Variants in ZNF827 observed in about 807,000 individuals in gnomAD.
The protein encoded by ZNF827 is zinc finger protein 827.
A neutral mutation model predicts 102.4 loss-of-function variants in ZNF827; 13 were observed. The observed-to-expected ratio is 0.13, with a 90% CI of 0.08 to 0.20. The LOEUF (loss-of-function observed/expected upper bound fraction) is 0.20, where lower values mean the gene tolerates loss of function less well. Ranked by LOEUF, ZNF827 falls within the 10% of genes least tolerant of loss-of-function variation. The pLI is 1.00. For synonymous variants in ZNF827, 523 were observed against 536.2 expected, an observed-to-expected ratio of 0.98 and a Z score of 0.34; for missense variants, 1,103 against 1,344.4, an observed-to-expected ratio of 0.82 and a Z score of 2.81.
intron 7 of ZNF827, chr4:145,839,366 C>G (rs912211218): frequency 6.6e-6 from 1 of 152,326 alleles, no homozygotes; most frequent in South Asian, 2.1e-4. Context: ...CCTGCACATC[C>G]GGATACTTGA....
chr4:145,840,935 T>C (rs531214648), intron 7 of ZNF827, among the ~76,000 whole-genome samples: 5 of 152,338 alleles, frequency 3.3e-5, no homozygotes, highest in African/African-American at 9.6e-5. Flanking sequence ...TTCTGAAAAT[T>C]GGGCAAATTA....
chr4:145,865,877 T>C (rs571806172), intron 5 of ZNF827, among the ~76,000 whole-genome samples: 2 of 152,282 alleles, frequency 1.3e-5, no homozygotes, highest in South Asian at 2.1e-4. Context: ...TTTCCACTCT[T>C]GGGTCCCAGT....
chr4:145,889,668 CAGAATTCATTA>C (rs766535287), intron 3 of ZNF827, among the ~76,000 whole-genome samples: 9 of 151,530 alleles, frequency 5.9e-5, no homozygotes, highest in Admixed American at 2.6e-4. Context: ...ACTTCTTAGG[CAGAATTCATTA>C]AGAAAATCTG....
intron 1 of ZNF827, among the ~76,000 whole-genome samples, chr4:145,930,036 T>C (rs1753690136): frequency 6.6e-6 from 1 of 152,184 alleles, no homozygotes; most frequent in Admixed American, 6.5e-5. Flanking sequence ...TGAAAGCACA[T>C]GAATCCTGTT....
At position 145,774,645 on chromosome 4, in the gene ZNF827, C is replaced by T. The variant is rs1397232260; in HGVS notation, c.2721G>A (p.Glu907=). The stretch of plus-strand genomic sequence containing the variant: ...TGTGGCTGACAAACTGGACATTGAG[C>T]TCGGTCTCAAATCCACACACGTGAC... The part of the protein sequence containing the change: ...YSCHVCGFET[E]LNVQFVSHMS... The change falls in exon 11 of 15, where the codon GAG becomes GAA. Residue 907 remains glutamate, a synonymous_variant. Transcript: ENST00000508784. The T allele has an allele frequency of 6.2e-7, 1 of 1,613,818 alleles. No individual in the cohort carries two copies. Among genetic ancestry groups the T allele is most frequent in the Non-Finnish European group, 8.5e-7 (1 of 1,179,924 alleles).
At chr4:145,936,318 T>C (rs1391413286) in intron 1 of ZNF827, among the ~76,000 whole-genome samples, 1 of 151,908 alleles carries the variant, frequency 6.6e-6, no homozygotes, top group Non-Finnish European at 1.5e-5. Flanking sequence ...CGCCTTCTCC[T>C]TCCTCGCACA....
chr4:145,891,287 T>C (rs1254278350), intron 3 of ZNF827, among the ~76,000 whole-genome samples: 1 of 152,228 alleles, frequency 6.6e-6, no homozygotes, highest in Non-Finnish European at 1.5e-5. Flanking sequence ...TGATTCCCAT[T>C]TAACAGATGA....
Position 145,913,425 on chromosome 4 carries a change from C to CAAA in ZNF827, c.44-10213_44-10211dup, listed in dbSNP as rs775706430. Among the ~76,000 whole-genome samples the CAAA allele has an allele frequency of 8.8e-3, 641 of 72,590 alleles. 18 individuals are homozygous for CAAA. Among genetic ancestry groups the CAAA allele is most frequent in the African/African-American group, 0.017 (323 of 19,118 alleles). The allele number at this position is 72,590 out of a possible 152,430, so 47.6% of individuals were successfully genotyped here. A position where few individuals can be genotyped will look rare whatever the true frequency, so the allele number is the denominator to read the frequency against. ...TGGGCAACAGAGTGAGACCCTGTCTCAAAAAAAAAAAAAAAAAAAAAAGAC... is the reference window on the plus strand; with the variant it reads ...TGGGCAACAGAGTGAGACCCTGTCTCAAAAAAAAAAAAAAAAAAAAAAAAAGAC... On this transcript the variant is annotated intron_variant, in intron 1 of 14. Transcript: ENST00000508784.
intron 8 of ZNF827, among the ~76,000 whole-genome samples, chr4:145,817,085 A>T (rs556674211): frequency 6.6e-6 from 1 of 152,226 alleles, no homozygotes; most frequent in Non-Finnish European, 1.5e-5. Flanking sequence ...ATGAATTTTC[A>T]CAAAATTACC....
chr4:145,835,883 G>A (rs923194370), intron 7 of ZNF827, among the ~76,000 whole-genome samples: 1 of 151,508 alleles, frequency 6.6e-6, no homozygotes, highest in Non-Finnish European at 1.5e-5. Flanking sequence ...GTTAGTTCAG[G>A]ATCTGCGCCT....
intron 1 of ZNF827, among the ~76,000 whole-genome samples, chr4:145,909,823 C>G (rs1019925520): frequency 2.0e-5 from 3 of 152,146 alleles, no homozygotes; most frequent in African/African-American, 7.2e-5. Context: ...CTTAGCACAT[C>G]CCCCACACCA....
At chr4:145,903,669 C>T (rs1364408459) in intron 1 of ZNF827, among the ~76,000 whole-genome samples, 2 of 152,210 alleles carry the variant, frequency 1.3e-5, no homozygotes, top group African/African-American at 2.4e-5. Flanking sequence ...CTTTCTAACT[C>T]CGTGACTCTA....
intron 5 of ZNF827, among the ~76,000 whole-genome samples, chr4:145,863,978 G>A (rs1747956842): frequency 6.6e-6 from 1 of 151,950 alleles, no homozygotes; most frequent in Non-Finnish European, 1.5e-5. Context: ...CAGATTGTCT[G>A]AGCTCAGATG....
intron 8 of ZNF827, among the ~76,000 whole-genome samples, chr4:145,814,651 C>T (rs796972015): frequency 2.9e-4 from 43 of 148,046 alleles, no homozygotes; most frequent in African/African-American, 1.0e-3. Context: ...AGGCCTGGCA[C>T]AGTGGCTCGC....
intron 8 of ZNF827, among the ~76,000 whole-genome samples, chr4:145,788,746 C>G (rs1739254529): frequency 6.6e-6 from 1 of 152,188 alleles, no homozygotes; most frequent in Non-Finnish European, 1.5e-5. Flanking sequence ...CACTTCTCTT[C>G]TTAATGATGA....
chr4:145,925,172 C>T (rs368143509), intron 1 of ZNF827, among the ~76,000 whole-genome samples: 4 of 152,122 alleles, frequency 2.6e-5, no homozygotes, highest in South Asian at 4.1e-4. Flanking sequence ...AAGACCCATC[C>T]GCATGATTCA....
chr4:145,760,788 C>T lies in ZNF827; in HGVS notation c.*828G>A. ...CAGAACATGGCTGCCCTCAGACAGT[C>T]TCTGCTCTTTCTCTCAGTCCGAGAT... is the stretch of plus-strand genomic sequence containing the variant. On this transcript the variant is annotated 3_prime_UTR_variant, in exon 15 of 15. Coordinates refer to ENST00000508784, the MANE Select transcript of ZNF827 (RefSeq NM_001306215.2). 8.6e-7 allele frequency: 1 copy of T among 1,167,614 alleles called. No homozygotes were observed. Among genetic ancestry groups the T allele is most frequent in the South Asian group, 1.7e-5 (1 of 59,752 alleles). 72.3% of individuals were successfully genotyped at this position (1,167,614 alleles called of 1,614,324 possible).
chr4:145,822,034 A>G (rs1014576480), intron 8 of ZNF827, among the ~76,000 whole-genome samples: 2 of 152,182 alleles, frequency 1.3e-5, no homozygotes, highest in African/African-American at 4.8e-5. Flanking sequence ...GCAGGGCAAT[A>G]ATTTTGGGAC....
intron 4 of ZNF827, among the ~76,000 whole-genome samples, chr4:145,883,814 T>A (rs1410803084): frequency 1.3e-5 from 2 of 152,078 alleles, no homozygotes; most frequent in African/African-American, 2.4e-5. Flanking sequence ...ATTCCTTCCC[T>A]GGGGATTGCA....
Sources: gnomAD v4.1 joint callset for allele counts (sites outside exome capture counted in the v4.1 genomes callset) on GRCh38, gnomAD v4.1.1 for gene constraint, MANE v1.5 for transcripts, NCBI Gene and HGNC (gene_info 2026-07-23, HGNC 2026-07-21) for gene names.